Variants in MUC3A observed in about 807,000 individuals in gnomAD.
The protein encoded by MUC3A is mucin-3A.
In MUC3A, 109 loss-of-function variants were observed where a neutral mutation model predicts 109.0. That is an observed-to-expected ratio of 1.00 (90% CI 0.86 to 1.17). The LOEUF is 1.17. Among genes scored for constraint, MUC3A ranks in the 50% most tolerant of loss-of-function variants. The probability of loss-of-function intolerance (pLI) is 0.00; values close to 1 mark genes in which losing one functional copy is unlikely to be tolerated. For missense variants in MUC3A, 3,537 were observed against 2,469.4 expected, an observed-to-expected ratio of 1.43 and a Z score of -9.16; for synonymous variants, 1,398 against 981.4, an observed-to-expected ratio of 1.42 and a Z score of -7.93.
rs765318236 is a variant in MUC3A at position 100,960,310 on chromosome 7, C to CTA, written c.8531_8532insTA (p.Asn2845ThrfsTer30). 6.3e-7 allele frequency: 1 copy of CTA among 1,598,552 alleles called. No individual in the cohort carries two copies. The highest frequency in any genetic ancestry group is 8.5e-7 in the Non-Finnish European group (1 of 1,179,830). On this transcript the variant is annotated frameshift_variant, in exon 2 of 12. Transcript: ENST00000379458. LOFTEE classifies it high-confidence loss of function. Reference sequence around the variant, plus strand: ...CCAGAAAGTGAGTCCAGCATCTCACCCAATGCTTCCAGTTCCACTGGCACT... The same window carrying CTA: ...CCAGAAAGTGAGTCCAGCATCTCACCTACAATGCTTCCAGTTCCACTGGCACT...
intron 7 of MUC3A, 169 bp from the exon 8 acceptor site, chr7:100,965,535 G>A: frequency 3.5e-6 from 5 of 1,415,128 alleles, no homozygotes; most frequent in East Asian, 2.5e-5. Context: ...CGAGGAGAGG[G>A]TGAGGGTGCT....
rs73398732 is a variant in MUC3A at position 100,959,304 on chromosome 7, T to G, written c.7525T>G (p.Phe2509Val). 2.8e-6 allele frequency: 4 copies of G among 1,426,344 alleles called. No homozygotes were observed. The Admixed American group carries it at 7.5e-5, about 27-fold the overall frequency. The allele number at this position is 1,426,344 out of a possible 1,614,324, so 88.4% of individuals were successfully genotyped here. ...CACTTCATTGACTACAACCACAGAC[T>G]TTCCCTCTATACCCACTGATATCAG... is the stretch of plus-strand genomic sequence containing the variant. The part of the protein sequence containing the change: ...TSTSLTTTTD[F>V]PSIPTDISTL... Residue 2509 changes from phenylalanine (F) to valine (V), a missense_variant, in exon 2 of 12, where the codon TTT (phenylalanine) becomes GTT (valine). Phe to Val is a conservative substitution (Grantham distance 50). Transcript: ENST00000379458.
chr7:100,952,898 T>C lies in MUC3A; in HGVS notation c.1119T>C (p.Ser373=), dbSNP rs1260503139. ...TETSLPPTSS[S]LPTTETATTP... ...CTTCTCTCCCACCCACCTCTTCCTCTCTCCCAACCACAGAAACAGCCACGA... is the reference window on the plus strand; with the variant it reads ...CTTCTCTCCCACCCACCTCTTCCTCCCTCCCAACCACAGAAACAGCCACGA... Residue 373 remains serine (S), a synonymous_variant, in exon 2 of 12, where the codon TCT becomes TCC. Transcript: ENST00000379458. The C allele has an allele frequency of 1.8e-5, 29 of 1,574,388 alleles. No individual in the cohort carries two copies. Among genetic ancestry groups the C allele is most frequent in the Non-Finnish European group, 2.3e-5 (27 of 1,167,642 alleles).
intron 9 of MUC3A, 40 bp downstream of exon 9, chr7:100,966,599 C>G: frequency 6.3e-7 from 1 of 1,595,868 alleles, no homozygotes; most frequent in South Asian, 1.1e-5. Context: ...CGAGGGCAGC[C>G]AAGGGGTCCC....
rs1431503560 is a variant in MUC3A at position 100,967,358 on chromosome 7, G to A, written c.*196G>A. 6 of 823,514 alleles carry A rather than the reference G, an allele frequency of 7.3e-6. No homozygotes were observed. The highest frequency in any genetic ancestry group is 5.4e-5 in the Admixed American group (2 of 37,310). 51.0% of individuals were successfully genotyped at this position (823,514 alleles called of 1,614,324 possible). On this transcript the variant is annotated 3_prime_UTR_variant, in exon 12 of 12. Coordinates refer to ENST00000379458, the MANE Select transcript of MUC3A (RefSeq NM_005960.2). ...AAACCCACCTGGAGACGCAGTTCAC[G>A]TCCAGGCTCTTCCACTGTGGAATCT...
chr7:100,959,811 A>G lies in MUC3A; in HGVS notation c.8032A>G (p.Ser2678Gly). The change falls in exon 2 of 12, where the codon AGT (serine) becomes GGT (glycine). Residue 2678 changes from serine (S) to glycine (G), a missense_variant. Transcript: ENST00000379458. ...TSTNAILTSF[S>G]TIIWSSTPTI... The stretch of plus-strand genomic sequence containing the variant: ...TACAAATGCAATCTTGACTTCTTTT[A>G]GTACCATCATCTGGTCCTCAACACC... The G allele has an allele frequency of 6.3e-7, 1 of 1,589,302 alleles. No homozygotes were observed. Among genetic ancestry groups the G allele is most frequent in the Non-Finnish European group, 8.5e-7 (1 of 1,175,236 alleles).
intron 6 of MUC3A, 113 bp from the exon 7 acceptor site, chr7:100,965,150 GGGAGAGGGCTCTCCCAGAC>G: frequency 1.3e-3 from 3 of 2,384 alleles, no homozygotes; most frequent in Non-Finnish European, 1.2e-3. Context: ...CTCTCCGTCT[GGGAGAGGGCTCTCCCAGAC>G]GGAGAGAGCC....
In MUC3A at chr7:100,958,617, A is replaced by G; in HGVS notation, c.6838A>G (p.Ser2280Gly). The stretch of plus-strand genomic sequence containing the variant: ...CAGCTTCACTTCTTCAATCACCACC[A>G]GTGAGACCCCCTCACACAGTACTCC... ...TPSFTSSITT[S>G]ETPSHSTPSS... The change falls in exon 2 of 12, where the codon AGT (serine) becomes GGT (glycine). Residue 2280 changes from serine to glycine, a missense_variant. Ser to Gly is a moderately conservative substitution (Grantham distance 56, BLOSUM62 0). Coordinates refer to ENST00000379458, the MANE Select transcript of MUC3A (RefSeq NM_005960.2). 6.5e-6 allele frequency: 6 copies of G among 921,940 alleles called. No homozygotes were observed. Among genetic ancestry groups the G allele is most frequent in the Non-Finnish European group, 6.8e-6 (5 of 737,082 alleles). The allele number at this position is 921,940 out of a possible 1,614,324, so 57.1% of individuals were successfully genotyped here.
intron 4 of MUC3A, 28 bp from the exon 5 acceptor site, chr7:100,963,660 G>C: frequency 6.3e-7 from 1 of 1,598,404 alleles, no homozygotes; most frequent in African/African-American, 1.3e-5. Flanking sequence ...AGGTTCGGAC[G>C]TGAGCCCAGG....
At position 100,955,429 on chromosome 7, in the gene MUC3A, C is replaced by T. The variant is rs1792073813; in HGVS notation, c.3650C>T (p.Ala1217Val). 1 of 601,536 alleles carries T rather than the reference C, an allele frequency of 1.7e-6. No homozygotes were observed. Among genetic ancestry groups the T allele is most frequent in the African/African-American group, 1.9e-5 (1 of 53,504 alleles). 37.3% of individuals were successfully genotyped at this position (601,536 alleles called of 1,614,324 possible). A position where few individuals can be genotyped will look rare whatever the true frequency, so the allele number is the denominator to read the frequency against. The change falls in exon 2 of 12, where the codon GCA (alanine) becomes GTA (valine). Residue 1217 changes from alanine to valine, a missense_variant. Transcript: ENST00000379458. ...GGCTCTACCGGTTTCCTGACTACAG[C>T]AACAGACCTCACATCAACATTCACT... ...SVGSTGFLTT[A>V]TDLTSTFTVS...
Position 100,958,989 on chromosome 7 carries a change from C to G in MUC3A, c.7210C>G (p.His2404Asp), listed in dbSNP as rs756698066. Residue 2404 changes from histidine (H) to aspartate (D), a missense_variant, in exon 2 of 12, where the codon CAC becomes GAC. Coordinates refer to ENST00000379458, the MANE Select transcript of MUC3A (RefSeq NM_005960.2). ...SWVTTTKTTSHITPGLTSSIT... is the reference protein window; with the variant it reads ...SWVTTTKTTSDITPGLTSSIT... ...GGTCACCACCACCAAGACCACCTCACACATTACTCCTGGCCTCACTTCTTC... is the reference window on the plus strand; with the variant it reads ...GGTCACCACCACCAAGACCACCTCAGACATTACTCCTGGCCTCACTTCTTC... 4.1e-6 allele frequency: 6 copies of G among 1,480,700 alleles called. No individual in the cohort carries two copies. The highest frequency in any genetic ancestry group is 2.0e-5 in the Admixed American group (1 of 49,796). The allele number at this position is 1,480,700 out of a possible 1,614,324, so 91.7% of individuals were successfully genotyped here.
chr7:100,959,577 A>T lies in MUC3A; in HGVS notation c.7798A>T (p.Thr2600Ser). The T allele has an allele frequency of 6.3e-7, 1 of 1,595,710 alleles. No individual in the cohort carries two copies. Among genetic ancestry groups the T allele is most frequent in the Non-Finnish European group, 8.5e-7 (1 of 1,178,252 alleles). Residue 2600 changes from threonine to serine, a missense_variant, in exon 2 of 12, where the codon ACC (threonine) becomes TCC (serine). Physicochemically the swap from Thr to Ser is moderately conservative, Grantham distance 58. Transcript: ENST00000379458. Reference sequence around the variant, plus strand: ...AACATCTCCTGCACCTACTACTGTCACCTTTGGAAGTACGGATTCCTCCAC... The same window carrying T: ...AACATCTCCTGCACCTACTACTGTCTCCTTTGGAAGTACGGATTCCTCCAC... ...TQTSPAPTTVTFGSTDSSTST... is the reference protein window; with the variant it reads ...TQTSPAPTTVSFGSTDSSTST...
chr7:100,961,516 T>C (rs1183745173), intron 3 of MUC3A, among the ~76,000 whole-genome samples: 1 of 152,302 alleles, frequency 6.6e-6, no homozygotes, highest in Non-Finnish European at 1.5e-5. Context: ...CCAAATAGTC[T>C]ATGTTAATTT....
chr7:100,957,795 A>T lies in MUC3A; in HGVS notation c.6016A>T (p.Thr2006Ser). Residue 2006 changes from threonine to serine, a missense_variant, in exon 2 of 12, where the codon ACT becomes TCT. Thr to Ser is a moderately conservative substitution (Grantham distance 58). Coordinates refer to ENST00000379458, the MANE Select transcript of MUC3A (RefSeq NM_005960.2). The stretch of plus-strand genomic sequence containing the variant: ...CACAACCACCACCACCTCACACAGT[A>T]CTCCCAGCTTCACTTCTTCCATCAC... Reference protein sequence around the residue: ...ITTTTTTSHSTPSFTSSITTT... With the variant: ...ITTTTTTSHSSPSFTSSITTT... 9.4e-7 allele frequency: 1 copy of T among 1,059,724 alleles called. No individual in the cohort carries two copies. Among genetic ancestry groups the T allele is most frequent in the Non-Finnish European group, 1.4e-6 (1 of 731,038 alleles). 65.6% of individuals were successfully genotyped at this position (1,059,724 alleles called of 1,614,324 possible).
intron 7 of MUC3A, 143 bp from the exon 8 acceptor site, chr7:100,965,560 CT>C: frequency 6.9e-7 from 1 of 1,448,918 alleles, no homozygotes. Flanking sequence ...GTGGCCTCCC[CT>C]CATCGAATCC....
chr7:100,964,655 T>A, intron 5 of MUC3A, 40 bp from the exon 6 acceptor site: 1 of 1,444,838 alleles, frequency 6.9e-7, no homozygotes, highest in Non-Finnish European at 9.1e-7. Flanking sequence ...GACCCATATG[T>A]TCCTGGCTGG....
chr7:100,962,370 A>T (rs1295457752), intron 3 of MUC3A, among the ~76,000 whole-genome samples: 1 of 152,262 alleles, frequency 6.6e-6, no homozygotes, highest in South Asian at 2.1e-4. Flanking sequence ...GTGAGCTATG[A>T]TCCCCCTATT....
chr7:100,962,802 TC>T (rs1792378317), intron 3 of MUC3A, among the ~76,000 whole-genome samples: 2 of 136,488 alleles, frequency 1.5e-5, no homozygotes, highest in East Asian at 2.1e-4. Flanking sequence ...TTTCTTTCTC[TC>T]TCTCTCTCTC....
At chr7:100,964,958 G>A (rs1433709866) in intron 6 of MUC3A, 115 bp downstream of exon 6, 1 of 1,444,082 alleles carries the variant, frequency 6.9e-7, no homozygotes, top group African/African-American at 1.4e-5. Flanking sequence ...CTGGCAGGTT[G>A]GGAGAAGGGG....
Sources: gnomAD v4.1 joint callset for allele counts (sites outside exome capture counted in the v4.1 genomes callset) on GRCh38, gnomAD v4.1.1 for gene constraint, MANE v1.5 for transcripts, NCBI Gene and HGNC (gene_info 2026-07-23, HGNC 2026-07-21) for gene names.